SYN2: variants seen among roughly 807,000 people sequenced by gnomAD.
The protein encoded by SYN2 is synapsin-2.
In SYN2, 19 loss-of-function variants were observed where a neutral mutation model predicts 50.9. That is an observed-to-expected ratio of 0.37 (90% confidence interval 0.26 to 0.55). The LOEUF (loss-of-function observed/expected upper bound fraction) is 0.55, where lower values mean the gene tolerates loss of function less well. SYN2 is among the 20% of genes least tolerant of loss of function. SYN2 has a pLI of 0.81. For missense variants in SYN2, 587 were observed against 576.4 expected (o/e 1.02, Z -0.19); for synonymous variants, 255 against 224.9 (o/e 1.13, Z -1.20).
intron 12 of SYN2, 140 bp downstream of exon 12, chr3:12,187,752 A>G (rs1361364716): frequency 2.6e-5 from 34 of 1,325,656 alleles, no homozygotes; most frequent in Non-Finnish European, 3.3e-5. Flanking sequence ...TTTTTTTGTT[A>G]GTTTGTTTTT....
At position 12,004,466 on chromosome 3, in the gene SYN2, G is replaced by T. The variant is rs1294207268; in HGVS notation, c.-86G>T. On this transcript the variant is annotated 5_prime_UTR_variant, in exon 1 of 13. Transcript: ENST00000621198. ...CTAAGCCGCCGCCTCAGCCGCCTCAGTCGCCTCAATCTCGCCTTCCGCCCT... is the reference window on the plus strand; with the variant it reads ...CTAAGCCGCCGCCTCAGCCGCCTCATTCGCCTCAATCTCGCCTTCCGCCCT... The T allele has an allele frequency of 8.9e-6, 3 of 338,964 alleles. No individual in the cohort carries two copies. The highest frequency in any genetic ancestry group is 5.0e-4 in the Middle Eastern group (1 of 1,998). The allele number at this position is 338,964 out of a possible 1,614,324, so 21.0% of individuals were successfully genotyped here.
chr3:12,142,480 G>A (rs1262000249), intron 3 of SYN2, among the ~76,000 whole-genome samples: 1 of 152,156 alleles, frequency 6.6e-6, no homozygotes. Flanking sequence ...TCTCCATCCT[G>A]TATTCTTTCT....
chr3:12,096,544 T>G (rs1695938808), intron 1 of SYN2, among the ~76,000 whole-genome samples: 1 of 151,962 alleles, frequency 6.6e-6, no homozygotes, highest in East Asian at 1.9e-4. Flanking sequence ...TGCTACTAGA[T>G]TATATTATAA....
chr3:12,068,296 G>A (rs1231981466), intron 1 of SYN2, among the ~76,000 whole-genome samples: 1 of 152,148 alleles, frequency 6.6e-6, no homozygotes, highest in African/African-American at 2.4e-5. Context: ...TCCTTAGAAT[G>A]TTGAAGGCAT....
At chr3:12,052,802 A>G (rs1389963059) in intron 1 of SYN2, among the ~76,000 whole-genome samples, 1 of 152,194 alleles carries the variant, frequency 6.6e-6, no homozygotes, top group East Asian at 1.9e-4. Context: ...GCATCATAAC[A>G]TTCTTGAAAC....
Position 12,118,326 on chromosome 3 carries a change from G to A in SYN2, c.378-22325G>A, listed in dbSNP as rs552576684. The stretch of plus-strand genomic sequence containing the variant: ...TGCCTATAATCCCAGCACTTCAAGA[G>A]GCTGAGGCAGGAGGATTGCTAGAGC... On this transcript the variant is annotated intron_variant, in intron 1 of 12. Transcript: ENST00000621198. Among the ~76,000 whole-genome samples the A allele has an allele frequency of 2.2e-3, 336 of 152,296 alleles. 1 individual carries two copies. The highest frequency in any genetic ancestry group is 7.6e-3 in the African/African-American group (317 of 41,556).
chr3:12,085,913 TA>T (rs1695691046), intron 1 of SYN2, among the ~76,000 whole-genome samples: 1 of 151,882 alleles, frequency 6.6e-6, no homozygotes, highest in African/African-American at 2.4e-5. Flanking sequence ...CAGAAATAGA[TA>T]AAATAGAGAC....
intron 11 of SYN2, 74 bp downstream of exon 11, chr3:12,183,446 T>C (rs757026141): frequency 1.2e-6 from 2 of 1,610,352 alleles, no homozygotes; most frequent in South Asian, 1.1e-5. Context: ...CTTAAAATGA[T>C]TGGTGGTTAA....
chr3:12,185,474 GATAGC>G (rs1191463413), intron 11 of SYN2: 2 of 985,750 alleles, frequency 2.0e-6, no homozygotes, highest in Non-Finnish European at 2.4e-6. Context: ...AATGCAAGCA[GATAGC>G]ATAACCTGAC....
At chr3:12,187,133 G>A (rs1209696992) in intron 11 of SYN2, among the ~76,000 whole-genome samples, 1 of 152,132 alleles carries the variant, frequency 6.6e-6, no homozygotes, top group African/African-American at 2.4e-5. Flanking sequence ...GTTCCTCCTT[G>A]TCCTGCTGAC....
chr3:12,100,988 G>C (rs1393477815), intron 1 of SYN2, among the ~76,000 whole-genome samples: 1 of 152,230 alleles, frequency 6.6e-6, no homozygotes, highest in African/African-American at 2.4e-5. Context: ...AACAAGTGTT[G>C]GTGAAGAAGT....
chr3:12,098,490 A>T (rs944621874), intron 1 of SYN2, among the ~76,000 whole-genome samples: 2 of 152,232 alleles, frequency 1.3e-5, no homozygotes, highest in African/African-American at 4.8e-5. Flanking sequence ...ATTGGTATCA[A>T]TCCAAACAAG....
rs761301896 is a variant in SYN2 at position 12,190,889 on chromosome 3, A to C, written c.*264A>C. On this transcript the variant is annotated 3_prime_UTR_variant, in exon 13 of 13. Coordinates refer to ENST00000621198, the MANE Select transcript of SYN2 (RefSeq NM_133625.6). ...GTCATGAGAGCTTCCTTCTGAAGTC[A>C]TCGTTCGCTGTGAGTTTAGTGGCCT... The C allele has an allele frequency of 4.7e-5, 57 of 1,213,674 alleles. No homozygotes were observed. Among genetic ancestry groups the C allele is most frequent in the Non-Finnish European group, 5.4e-5 (53 of 974,280 alleles). 75.2% of individuals were successfully genotyped at this position (1,213,674 alleles called of 1,614,324 possible). A position where few individuals can be genotyped will look rare whatever the true frequency, so the allele number is the denominator to read the frequency against.
chr3:12,017,310 T>G (rs1694045856), intron 1 of SYN2, among the ~76,000 whole-genome samples: 1 of 152,212 alleles, frequency 6.6e-6, no homozygotes, highest in Non-Finnish European at 1.5e-5. Flanking sequence ...TAAGTAGATG[T>G]ATTAACTCAT....
At chr3:12,064,750 G>A (rs1695175742) in intron 1 of SYN2, among the ~76,000 whole-genome samples, 1 of 152,104 alleles carries the variant, frequency 6.6e-6, no homozygotes, top group Non-Finnish European at 1.5e-5. Flanking sequence ...AGGATGTGGA[G>A]AAATTGGAAC....
intron 1 of SYN2, among the ~76,000 whole-genome samples, chr3:12,133,395 T>G (rs1696831748): frequency 6.6e-6 from 1 of 152,230 alleles, no homozygotes; most frequent in Non-Finnish European, 1.5e-5. Flanking sequence ...TGAGAACCCC[T>G]TCAATGTAAA....
intron 1 of SYN2, among the ~76,000 whole-genome samples, chr3:12,050,624 G>A (rs1490300783): frequency 1.3e-5 from 2 of 150,580 alleles, no homozygotes; most frequent in African/African-American, 2.4e-5. Flanking sequence ...GATTACAGGC[G>A]TGAGCCACTT....
At chr3:12,121,528 T>TA (rs1484633336) in intron 1 of SYN2, among the ~76,000 whole-genome samples, 2 of 151,916 alleles carry the variant, frequency 1.3e-5, no homozygotes, top group African/African-American at 4.8e-5. Context: ...TTGCTGTACA[T>TA]AAGGCCTTAT....
At chr3:12,026,324 A>C (rs1017694561) in intron 1 of SYN2, among the ~76,000 whole-genome samples, 8 of 152,180 alleles carry the variant, frequency 5.3e-5, no homozygotes, top group Admixed American at 3.3e-4. Flanking sequence ...ATACTAGATG[A>C]TCTCTACTAA....
Sources: gnomAD v4.1 joint callset for allele counts (sites outside exome capture counted in the v4.1 genomes callset) on GRCh38, gnomAD v4.1.1 for gene constraint, MANE v1.5 for transcripts, NCBI Gene and HGNC (gene_info 2026-07-23, HGNC 2026-07-21) for gene names.